SHPK: variants seen among roughly 807,000 people sequenced by gnomAD.
SHPK encodes the protein sedoheptulokinase.
SHPK carries 51 observed loss-of-function variants against 46.3 expected under a neutral mutation model. That is an observed-to-expected ratio of 1.10 (90% CI 0.88 to 1.39). The LOEUF (loss-of-function observed/expected upper bound fraction) is 1.39, where lower values mean the gene tolerates loss of function less well. SHPK is among the 40% of genes most tolerant of loss of function. SHPK has a pLI of 0.00. For synonymous variants in SHPK, 290 were observed against 273.9 expected, an observed-to-expected ratio of 1.06 and a Z score of -0.58; for missense variants, 668 against 641.3, an observed-to-expected ratio of 1.04 and a Z score of -0.45.
chr17:3,633,817 G>C (rs2075488600), intron 1 of SHPK, among the ~76,000 whole-genome samples: 1 of 152,150 alleles, frequency 6.6e-6, no homozygotes, highest in South Asian at 2.1e-4. Flanking sequence ...CGGTTTTGTG[G>C]AATAGAAAAG....
At chr17:3,616,434 C>T (rs1345925251) in intron 5 of SHPK, among the ~76,000 whole-genome samples, 1 of 152,158 alleles carries the variant, frequency 6.6e-6, no homozygotes, top group Non-Finnish European at 1.5e-5. Flanking sequence ...GGCTCAGAGG[C>T]AGATCCTCCA....
In SHPK at chr17:3,630,244, C is replaced by T; in HGVS notation, c.271G>A (p.Gly91Ser). 6.2e-7 allele frequency: 1 copy of T among 1,613,768 alleles called. No homozygotes were observed. The highest frequency in any genetic ancestry group is 8.5e-7 in the Non-Finnish European group (1 of 1,179,984). ...CAAAACACGACTCCATGCATCTGGC[C>T]CGACACCCCGATGCCCACGACGCTC... Reference protein sequence around the residue: ...LRSVVGIGVSGQMHGVVFWKT... With the variant: ...LRSVVGIGVSSQMHGVVFWKT... The change falls in exon 2 of 7, where the codon GGC (glycine) becomes AGC (serine). Residue 91 changes from glycine to serine, a missense_variant. Physicochemically the swap from Gly to Ser is moderately conservative, Grantham distance 56. Transcript: ENST00000225519.
At chr17:3,613,496 G>A (rs1428394900) in intron 6 of SHPK, among the ~76,000 whole-genome samples, 1 of 152,036 alleles carries the variant, frequency 6.6e-6, no homozygotes, top group Non-Finnish European at 1.5e-5. Flanking sequence ...AGCCTCCCGA[G>A]TAGCTGGAAT....
chr17:3,610,333 G>C lies in SHPK; in HGVS notation c.*227C>G. The C allele has an allele frequency of 3.7e-6, 2 of 542,182 alleles. No homozygotes were observed. The highest frequency in any genetic ancestry group is 6.6e-6 in the Non-Finnish European group (2 of 302,224). The allele number at this position is 542,182 out of a possible 1,614,324, so 33.6% of individuals were successfully genotyped here. Reference sequence around the variant, plus strand: ...CATGGACATTTGTAAATAGCTCCCAGGTGGGTCAATTTCGGAAGGCACTCA... The same window carrying C: ...CATGGACATTTGTAAATAGCTCCCACGTGGGTCAATTTCGGAAGGCACTCA... On this transcript the variant is annotated 3_prime_UTR_variant, in exon 7 of 7. Transcript: ENST00000225519.
chr17:3,610,789 C>T lies in SHPK; in HGVS notation c.1208G>A (p.Cys403Tyr). 1 of 1,614,138 alleles carries T rather than the reference C, an allele frequency of 6.2e-7. No homozygotes were observed. Reference sequence around the variant, plus strand: ...GTGCAGGTTCTGAACAATGCCTCGGCACAGAGCCCGGGTCACGTGCCCCAG... The same window carrying T: ...GTGCAGGTTCTGAACAATGCCTCGGTACAGAGCCCGGGTCACGTGCCCCAG... Reference protein sequence around the residue: ...LSLGHVTRALCRGIVQNLHSM... With the variant: ...LSLGHVTRALYRGIVQNLHSM... Residue 403 changes from cysteine (C) to tyrosine (Y), a missense_variant, in exon 7 of 7, where the codon TGC becomes TAC. Physicochemically the swap from Cys to Tyr is radical, Grantham distance 194 (BLOSUM62 -2). Coordinates refer to ENST00000225519, the MANE Select transcript of SHPK (RefSeq NM_013276.4).
chr17:3,635,996 G>T (rs2075521431), intron 1 of SHPK, 56 bp downstream of exon 1: 2 of 1,473,934 alleles, frequency 1.4e-6, no homozygotes, highest in East Asian at 5.1e-5. Flanking sequence ...TCCTGGGGTG[G>T]AAAAGGGTGG....
At chr17:3,617,585 C>T (rs2075376855) in intron 5 of SHPK, among the ~76,000 whole-genome samples, 2 of 152,114 alleles carry the variant, frequency 1.3e-5, no homozygotes, top group South Asian at 4.1e-4. Flanking sequence ...AGAACATTTG[C>T]TTTTCTAGAT....
intron 2 of SHPK, among the ~76,000 whole-genome samples, chr17:3,624,803 G>A (rs1005792139): frequency 6.6e-6 from 1 of 151,894 alleles, no homozygotes; most frequent in Non-Finnish European, 1.5e-5. Context: ...ACAGGCCCAC[G>A]CCACCACGCC....
In SHPK at chr17:3,634,674, G is replaced by T. The variant is rs1043306813; in HGVS notation, c.168+1378C>A. 9.9e-5 allele frequency among the ~76,000 whole-genome samples: 15 copies of T among 151,980 alleles called. 3 individuals carry two copies. Among genetic ancestry groups the T allele is most frequent in the Admixed American group, 2.0e-4 (3 of 15,240 alleles). The stretch of plus-strand genomic sequence containing the variant: ...CCAGCTCTCCTGCTCACCCCACCAG[G>T]GTCAGAGCCAACTTTGCCTCCAATT... On this transcript the variant is annotated intron_variant, in intron 1 of 6. Transcript: ENST00000225519.
At chr17:3,611,735 T>C in intron 6 of SHPK, among the ~76,000 whole-genome samples, 1 of 151,640 alleles carries the variant, frequency 6.6e-6, no homozygotes, top group East Asian at 1.9e-4. Flanking sequence ...TACAACTTGC[T>C]TTTCAGTGTC....
rs1567679462 is a variant in SHPK, at chr17:3,609,149, G to A, written c.*1411C>T. ...GATTCACCCACTTGGGCTTCCCAAA[G>A]TGCTGGGATTACAGGCGGGAGCCAA... On this transcript the variant is annotated 3_prime_UTR_variant, in exon 7 of 7. Transcript: ENST00000225519. 6.6e-6 allele frequency: 1 copy of A among 152,242 alleles called. No homozygotes were observed. Among genetic ancestry groups the A allele is most frequent in the South Asian group, 2.1e-4 (1 of 4,834 alleles). The allele number at this position is 152,242 out of a possible 1,614,324, so 9.4% of individuals were successfully genotyped here.
intron 5 of SHPK, among the ~76,000 whole-genome samples, chr17:3,617,272 C>T (rs2150868513): frequency 6.6e-6 from 1 of 152,328 alleles, no homozygotes; most frequent in South Asian, 2.1e-4. Flanking sequence ...TAAGTACCCA[C>T]TGAGCCTTGG....
At chr17:3,621,878 C>G (rs1452283243) in intron 4 of SHPK, among the ~76,000 whole-genome samples, 1 of 151,868 alleles carries the variant, frequency 6.6e-6, no homozygotes, top group African/African-American at 2.4e-5. Flanking sequence ...GTCTCGAACT[C>G]CTGACCTCAC....
intron 6 of SHPK, 21 bp from the exon 7 acceptor site, chr17:3,610,993 C>T: frequency 3.2e-6 from 5 of 1,581,670 alleles, no homozygotes; most frequent in Non-Finnish European, 4.3e-6. Flanking sequence ...CAGAGAAGAT[C>T]TGTGTAAGCT....
Position 3,623,371 on chromosome 17 carries a change from G to C in SHPK, c.615C>G (p.Phe205Leu), listed in dbSNP as rs910941031. 1 of 1,614,192 alleles carries C rather than the reference G, an allele frequency of 6.2e-7. No homozygotes were observed. The highest frequency in any genetic ancestry group is 8.5e-7 in the Non-Finnish European group (1 of 1,180,026). The change falls in exon 4 of 7, where the codon TTC (phenylalanine) becomes TTG (leucine). Residue 205 changes from phenylalanine to leucine, a missense_variant. Physicochemically the swap from Phe to Leu is conservative, Grantham distance 22 (BLOSUM62 0). Coordinates refer to ENST00000225519, the MANE Select transcript of SHPK (RefSeq NM_013276.4). ...CGTTCCAGCTTTGGCTCTGCGTGTTGAAATAGCCCCAGCTGGCAGCATTCT... is the reference window on the plus strand; with the variant it reads ...CGTTCCAGCTTTGGCTCTGCGTGTTCAAATAGCCCCAGCTGGCAGCATTCT... ...SDQNAASWGY[F>L]NTQSQSWNVE... is the part of the protein sequence containing the mutation.
At position 3,636,223 on chromosome 17, in the gene SHPK, C is replaced by G. The variant is rs745725311; in HGVS notation, c.-4G>C. ...GGGTGATCGGCCGCGCAGCCATTAT[C>G]TCCCTGACCCGCGCAGCTCCAGTCT... On this transcript the variant is annotated 5_prime_UTR_variant, in exon 1 of 7. Transcript: ENST00000225519. The G allele has an allele frequency of 1.9e-6, 3 of 1,595,788 alleles. No homozygotes were observed. The South Asian group carries it at 3.3e-5, about 18-fold the overall frequency.
At chr17:3,628,598 GGCGTGA>G (rs1433019708) in intron 2 of SHPK, among the ~76,000 whole-genome samples, 1 of 151,938 alleles carries the variant, frequency 6.6e-6, no homozygotes, top group Admixed American at 6.6e-5. Context: ...TGGGATTACA[GGCGTGA>G]GCCATTGTGC....
intron 1 of SHPK, among the ~76,000 whole-genome samples, chr17:3,633,229 C>A (rs1010208350): frequency 1.3e-5 from 2 of 151,904 alleles, no homozygotes; most frequent in Non-Finnish European, 1.5e-5. Flanking sequence ...GATCCACCCA[C>A]CTCCGCCTCC....
At chr17:3,618,447 A>G (rs2150868969) in intron 5 of SHPK, among the ~76,000 whole-genome samples, 1 of 152,272 alleles carries the variant, frequency 6.6e-6, no homozygotes, top group Middle Eastern at 3.4e-3. Context: ...TCTATCCAAC[A>G]TTCAATCCTT....
Sources: allele counts gnomAD v4.1 joint callset (sites outside exome capture counted in the v4.1 genomes callset), GRCh38; gene constraint gnomAD v4.1.1; transcripts MANE v1.5; gene names NCBI Gene and HGNC (gene_info 2026-07-23, HGNC 2026-07-21).